The following SLC67A1 variants were observed in gnomAD, a reference collection of about 807,000 sequenced individuals.
SLC67A1 encodes solute carrier family 67 member A1.
the SLC67A1 span, chr11:2,902,834 C>A: frequency 1.3e-6 from 1 of 751,772 alleles, no homozygotes; most frequent in Non-Finnish European, 1.6e-6. Context: ...TAGACCTTCC[C>A]TGAGAGCTGC....
the SLC67A1 span, chr11:2,915,281 G>T: frequency 8.9e-6 from 7 of 787,948 alleles, no homozygotes; most frequent in Non-Finnish European, 1.0e-5. Context: ...AAGTTTGCCC[G>T]TGTGTGTGTG....
At chr11:2,920,471 C>CA in the SLC67A1 span, 1 of 152,338 alleles carries the variant, frequency 6.6e-6, no homozygotes, top group Admixed American at 6.5e-5. Context: ...CAGTCATTGG[C>CA]CTGTGTTGTG....
At chr11:2,909,626 C>G in the SLC67A1 span, 1 of 1,532,934 alleles carries the variant, frequency 6.5e-7, no homozygotes, top group African/African-American at 1.4e-5. Context: ...GAGCGGCCCG[C>G]GGCCCTGGGC....
At chr11:2,909,861 G>A in the SLC67A1 span, 1 of 874,022 alleles carries the variant, frequency 1.1e-6, no homozygotes, top group Non-Finnish European at 1.6e-6. Flanking sequence ...CTGGCCCCGC[G>A]CGAGGCCTAG....
At chr11:2,904,639 C>T in the SLC67A1 span, among the ~76,000 whole-genome samples, 11 of 152,230 alleles carry the variant, frequency 7.2e-5, no homozygotes, top group African/African-American at 2.2e-4. Context: ...GGAGTAACTC[C>T]GTGCTGAGTG....
the SLC67A1 span, chr11:2,908,103 T>A: frequency 1.2e-3 from 781 of 628,612 alleles, 4 homozygotes; most frequent in African/African-American, 2.9e-3. Flanking sequence ...GGCCCCTCGA[T>A]GGTCATACTG....
chr11:2,909,582 C>A, the SLC67A1 span: 1 of 1,528,932 alleles, frequency 6.5e-7, no homozygotes, highest in Non-Finnish European at 8.7e-7. Flanking sequence ...CCCCAGCCGC[C>A]CAGATGGTCA....
At chr11:2,899,845 G>C in the SLC67A1 span, 10 of 894,702 alleles carry the variant, frequency 1.1e-5, no homozygotes, top group Non-Finnish European at 1.6e-5. Context: ...CAGCGCCAGA[G>C]GACCCTCAGC....
At chr11:2,913,275 C>T in the SLC67A1 span, among the ~76,000 whole-genome samples, 1 of 152,290 alleles carries the variant, frequency 6.6e-6, no homozygotes, top group East Asian at 1.9e-4. Context: ...TCTGTTCTTC[C>T]CACAGTGGGC....
chr11:2,900,692 CAAAAAAAAAAAA>C, the SLC67A1 span, among the ~76,000 whole-genome samples: 5 of 59,638 alleles, frequency 8.4e-5, no homozygotes, highest in African/African-American at 6.6e-5. Context: ...GACTCCGTCT[CAAAAAAAAAAAA>C]AAAAAAAAAA....
chr11:2,908,692 G>A, the SLC67A1 span, among the ~76,000 whole-genome samples: 3 of 152,160 alleles, frequency 2.0e-5, no homozygotes, highest in South Asian at 2.1e-4. Flanking sequence ...AGAGGACAGG[G>A]ACATCCTCCC....
chr11:2,907,484 TCTC>T, the SLC67A1 span, among the ~76,000 whole-genome samples: 2 of 152,102 alleles, frequency 1.3e-5, no homozygotes, highest in African/African-American at 2.4e-5. This position sits in a 1 kb window ranked among gnomAD's most constrained non-coding sequence, Gnocchi z 6.7. Context: ...TGTCCCAAAT[TCTC>T]CTCCTAATGA....
the SLC67A1 span, chr11:2,899,907 C>T: frequency 3.6e-6 from 2 of 560,492 alleles, no homozygotes; most frequent in Admixed American, 3.2e-5. Context: ...CTCCTCCTGC[C>T]GCTTCATCCT....
chr11:2,911,313 A>G, the SLC67A1 span, among the ~76,000 whole-genome samples: 5 of 151,870 alleles, frequency 3.3e-5, no homozygotes, highest in Admixed American at 3.3e-4. Context: ...AGGGAGAGGG[A>G]AGGGCTGATG....
At chr11:2,915,519 A>G in the SLC67A1 span, among the ~76,000 whole-genome samples, 1 of 152,150 alleles carries the variant, frequency 6.6e-6, no homozygotes, top group Non-Finnish European at 1.5e-5. Flanking sequence ...TGGCTCACAC[A>G]TTTGTCCGAT....
chr11:2,909,517 C>T, the SLC67A1 span: 1,101 of 1,321,256 alleles, frequency 8.3e-4, 11 homozygotes, highest in Middle Eastern at 0.012. Context: ...AGGGGCGGGT[C>T]AGGGGGGGAA....
At chr11:2,909,619 C>T in the SLC67A1 span, 1 of 1,531,968 alleles carries the variant, frequency 6.5e-7, no homozygotes, top group South Asian at 1.2e-5. Context: ...ACCCGAGGAG[C>T]GGCCCGCGGC....
chr11:2,906,433 G>A, the SLC67A1 span, among the ~76,000 whole-genome samples: 1 of 152,104 alleles, frequency 6.6e-6, no homozygotes, highest in Non-Finnish European at 1.5e-5. Flanking sequence ...TGTTTATCGC[G>A]GCACTACCTA....
the SLC67A1 span, chr11:2,922,272 A>T: frequency 6.5e-6 from 10 of 1,533,104 alleles, no homozygotes; most frequent in South Asian, 1.1e-4. Flanking sequence ...GGGCGGTACC[A>T]TCTGTGCTTA....
Sources: allele counts gnomAD v4.1 joint callset (sites outside exome capture counted in the v4.1 genomes callset), GRCh38; gene constraint gnomAD v4.1.1; non-coding constraint Gnocchi (gnomAD v3.1); transcripts MANE v1.5; gene names NCBI Gene and HGNC (gene_info 2026-07-23, HGNC 2026-07-21).